WFDC1: variants seen among roughly 807,000 people sequenced by gnomAD.
WFDC1 encodes the protein WAP four-disulfide core domain protein 1.
In WFDC1, 39 loss-of-function variants were observed where a neutral mutation model predicts 32.9. That is an observed-to-expected ratio of 1.19 (90% CI 0.92 to 1.55). WFDC1 has a LOEUF of 1.55. Ranked by LOEUF, WFDC1 falls within the 40% of genes most tolerant of loss-of-function variation. The pLI, the probability that WFDC1 is intolerant of heterozygous loss-of-function variation, is 0.00. For missense variants in WFDC1, 386 were observed against 309.5 expected, an observed-to-expected ratio of 1.25 and a Z score of -1.85; for synonymous variants, 184 against 137.4, an observed-to-expected ratio of 1.34 and a Z score of -2.37.
At chr16:84,303,243 C>T (rs1370559986) in intron 1 of WFDC1, among the ~76,000 whole-genome samples, 1 of 152,070 alleles carries the variant, frequency 6.6e-6, no homozygotes. Flanking sequence ...AACTGGCTTT[C>T]TTCCTCCACC....
intron 1 of WFDC1, among the ~76,000 whole-genome samples, chr16:84,311,024 T>G (rs1907584509): frequency 6.6e-6 from 1 of 152,176 alleles, no homozygotes; most frequent in Admixed American, 6.5e-5. Flanking sequence ...CCAATTAATC[T>G]ATCCTGTATC....
At chr16:84,302,757 GAC>G (rs1354322092) in intron 1 of WFDC1, among the ~76,000 whole-genome samples, 14 of 152,126 alleles carry the variant, frequency 9.2e-5, no homozygotes, top group Non-Finnish European at 1.8e-4. Flanking sequence ...TGGTGTCTCT[GAC>G]TTGTCCTGAA....
intron 1 of WFDC1, among the ~76,000 whole-genome samples, chr16:84,305,613 G>A (rs967978585): frequency 7.2e-5 from 11 of 152,318 alleles, no homozygotes; most frequent in African/African-American, 2.4e-4. Flanking sequence ...TCATCTGGGA[G>A]TGAATTGAGG....
chr16:84,307,630 C>T (rs1049245694), intron 1 of WFDC1, among the ~76,000 whole-genome samples: 16 of 152,188 alleles, frequency 1.1e-4, no homozygotes, highest in African/African-American at 3.9e-4. Flanking sequence ...TGTTTTGCTT[C>T]TGATCACCAG....
At chr16:84,314,444 C>T (rs919317952) in intron 2 of WFDC1, among the ~76,000 whole-genome samples, 7 of 152,084 alleles carry the variant, frequency 4.6e-5, no homozygotes, top group African/African-American at 1.2e-4. Flanking sequence ...GTACCTTCCA[C>T]GAGAGGCTGT....
At chr16:84,318,596 C>T (rs1196444751) in intron 3 of WFDC1, 5 of 437,800 alleles carry the variant, frequency 1.1e-5, no homozygotes, top group African/African-American at 9.8e-5. Flanking sequence ...GGAGCCTCCT[C>T]CTGGATGGAG....
At chr16:84,311,485 C>G (rs1001808983) in intron 1 of WFDC1, among the ~76,000 whole-genome samples, 6 of 149,098 alleles carry the variant, frequency 4.0e-5, no homozygotes, top group African/African-American at 1.5e-4. Context: ...ACCTTGGCCT[C>G]CCAAAGTGCT....
intron 5 of WFDC1, chr16:84,326,214 A>T (rs1288977092): frequency 6.8e-6 from 1 of 147,742 alleles, no homozygotes; most frequent in Non-Finnish European, 1.5e-5. Flanking sequence ...TCACCCATTC[A>T]CCCATCCATC....
intron 5 of WFDC1, chr16:84,326,615 ATT>A: frequency 2.3e-6 from 1 of 440,448 alleles, no homozygotes; most frequent in South Asian, 3.5e-5. Context: ...GTCGGAAGCA[ATT>A]TGGCCATCCC....
At chr16:84,326,529 A>C in intron 5 of WFDC1, 1 of 237,522 alleles carries the variant, frequency 4.2e-6, no homozygotes, top group Admixed American at 4.9e-5. Flanking sequence ...AAGGCTTCCT[A>C]AGGAGGAGAC....
At chr16:84,316,025 C>G (rs62050699) in intron 2 of WFDC1, 2 of 152,268 alleles carry the variant, frequency 1.3e-5, no homozygotes, top group Admixed American at 6.5e-5. Context: ...GCTTATTTCC[C>G]TGCTGCTCAG....
At chr16:84,326,823 G>GGGGGGCATTAGAGCA in intron 5 of WFDC1, 59 bp from the exon 6 acceptor site, 1 of 1,606,412 alleles carries the variant, frequency 6.2e-7, no homozygotes, top group Non-Finnish European at 8.5e-7. Context: ...GTGAGCCACG[G>GGGGGGCATTAGAGCA]GGGGCATTAG....
At chr16:84,314,429 G>C (rs562006934) in intron 2 of WFDC1, among the ~76,000 whole-genome samples, 128 of 152,142 alleles carry the variant, frequency 8.4e-4, no homozygotes, top group Non-Finnish European at 1.3e-3. Flanking sequence ...ACAGCTGTTT[G>C]GACTGTACCT....
At chr16:84,299,894 G>T (rs1232558043) in intron 1 of WFDC1, among the ~76,000 whole-genome samples, 2 of 151,654 alleles carry the variant, frequency 1.3e-5, no homozygotes, top group South Asian at 2.1e-4. Flanking sequence ...CAGACGGGGG[G>T]AGGGAGGGGA....
At chr16:84,325,539 C>G (rs887580535) in intron 5 of WFDC1, 1 of 151,674 alleles carries the variant, frequency 6.6e-6, no homozygotes, top group African/African-American at 2.4e-5. Context: ...ATCCATCCAT[C>G]CACTCATCCA....
intron 4 of WFDC1, among the ~76,000 whole-genome samples, chr16:84,320,679 G>T (rs1908254760): frequency 6.6e-6 from 1 of 152,152 alleles, no homozygotes; most frequent in Non-Finnish European, 1.5e-5. Context: ...GGGACTTCAG[G>T]GTGGCCAGGT....
At chr16:84,316,344 T>G (rs1036266212) in intron 2 of WFDC1, 2 of 152,256 alleles carry the variant, frequency 1.3e-5, no homozygotes, top group African/African-American at 4.8e-5. Context: ...TGCTAATTAT[T>G]TTTCTATTCT....
chr16:84,314,445 G>A (rs573163196), intron 2 of WFDC1, among the ~76,000 whole-genome samples: 81 of 152,228 alleles, frequency 5.3e-4, no homozygotes, highest in Admixed American at 2.3e-3. Context: ...TACCTTCCAC[G>A]AGAGGCTGTG....
intron 5 of WFDC1, among the ~76,000 whole-genome samples, chr16:84,325,458 C>T (rs188210385): frequency 6.6e-6 from 1 of 152,178 alleles, no homozygotes; most frequent in Non-Finnish European, 1.5e-5. Context: ...CCGCCTCGGC[C>T]TCCCAAAGTG....
Sources: gnomAD v4.1 joint callset for allele counts (sites outside exome capture counted in the v4.1 genomes callset) on GRCh38, gnomAD v4.1.1 for gene constraint, MANE v1.5 for transcripts, NCBI Gene and HGNC (gene_info 2026-07-23, HGNC 2026-07-21) for gene names.